The following TWSG1 variants were observed in gnomAD, a reference collection of about 807,000 sequenced individuals.
The protein encoded by TWSG1 is twisted gastrulation protein homolog 1.
A neutral mutation model predicts 23.0 loss-of-function variants in TWSG1; 15 were observed. That is an observed-to-expected ratio of 0.65 (90% CI 0.44 to 1.00). The LOEUF (loss-of-function observed/expected upper bound fraction) is 1.00, where lower values mean the gene tolerates loss of function less well. Ranked by LOEUF, TWSG1 falls within the 50% of genes least tolerant of loss-of-function variation. The probability of loss-of-function intolerance (pLI) is 0.00; values close to 1 mark genes in which losing one functional copy is unlikely to be tolerated. For missense variants in TWSG1, 242 were observed against 278.7 expected (o/e 0.87, Z 0.94); for synonymous variants, 86 against 92.8 (o/e 0.93, Z 0.42).
intron 3 of TWSG1, among the ~76,000 whole-genome samples, chr18:9,395,582 T>A (rs2040730976): frequency 6.6e-6 from 1 of 152,162 alleles, no homozygotes; most frequent in Non-Finnish European, 1.5e-5. Context: ...GTTTATTGAT[T>A]GATTGATTGA....
At chr18:9,335,463 T>G (rs1452492532) in intron 1 of TWSG1, among the ~76,000 whole-genome samples, 1 of 152,248 alleles carries the variant, frequency 6.6e-6, no homozygotes, top group Non-Finnish European at 1.5e-5. Context: ...TGAATACTTT[T>G]TCCAGTGAAA....
intron 3 of TWSG1, among the ~76,000 whole-genome samples, chr18:9,377,509 G>A (rs563273211): frequency 5.3e-5 from 8 of 151,452 alleles, no homozygotes; most frequent in South Asian, 4.2e-4. Context: ...ATGAGCCACC[G>A]CGCCTGGCCT....
At chr18:9,395,053 C>T (rs908869474) in intron 3 of TWSG1, among the ~76,000 whole-genome samples, 1 of 152,122 alleles carries the variant, frequency 6.6e-6, no homozygotes, top group African/African-American at 2.4e-5. Context: ...ACATGTGATG[C>T]GTTTAGTAGT....
At chr18:9,357,990 A>G (rs2040534790) in intron 2 of TWSG1, among the ~76,000 whole-genome samples, 1 of 152,248 alleles carries the variant, frequency 6.6e-6, no homozygotes, top group South Asian at 2.1e-4. Context: ...GAATAAAAAT[A>G]GAAATCATTT....
intron 3 of TWSG1, among the ~76,000 whole-genome samples, chr18:9,372,120 A>G (rs1189062314): frequency 6.7e-6 from 1 of 149,888 alleles, no homozygotes; most frequent in Non-Finnish European, 1.5e-5. Context: ...AATAATAGCA[A>G]CAATGTATTT....
chr18:9,351,210 T>C (rs1011701222), intron 2 of TWSG1, among the ~76,000 whole-genome samples: 2 of 152,042 alleles, frequency 1.3e-5, no homozygotes, highest in Non-Finnish European at 1.5e-5. Flanking sequence ...ATAAATTAAA[T>C]GTTTATTTGC....
At chr18:9,372,401 G>A (rs115999916) in intron 3 of TWSG1, among the ~76,000 whole-genome samples, 11,272 of 149,292 alleles carry the variant, frequency 0.076, 515 homozygotes, top group Admixed American at 0.096. Context: ...GGTAATAAAA[G>A]TTATGTGAAT....
At chr18:9,397,788 C>A (rs4798806) in intron 4 of TWSG1, among the ~76,000 whole-genome samples, 4 of 151,790 alleles carry the variant, frequency 2.6e-5, no homozygotes, top group Admixed American at 6.6e-5. Context: ...GGCACATCAC[C>A]TGAGGTCGGG....
intron 3 of TWSG1, among the ~76,000 whole-genome samples, chr18:9,394,762 ACATG>A (rs770365316): frequency 2.7e-4 from 41 of 152,242 alleles, no homozygotes; most frequent in African/African-American, 9.4e-4. Flanking sequence ...AGACACACAC[ACATG>A]CATGCATGCA....
intron 1 of TWSG1, among the ~76,000 whole-genome samples, 152 bp downstream of exon 1, chr18:9,335,072 T>C (rs2040415058): frequency 6.6e-6 from 1 of 150,856 alleles, no homozygotes; most frequent in African/African-American, 2.4e-5. Context: ...GAGGACAAAG[T>C]GGGGGTGCTG....
chr18:9,354,792 G>A (rs2040517355), intron 2 of TWSG1, among the ~76,000 whole-genome samples: 1 of 152,000 alleles, frequency 6.6e-6, no homozygotes, highest in Admixed American at 6.5e-5. Flanking sequence ...CAAAGGGGGA[G>A]GAATTTAGGG....
At chr18:9,340,652 C>T (rs568791017) in intron 2 of TWSG1, among the ~76,000 whole-genome samples, 5 of 152,234 alleles carry the variant, frequency 3.3e-5, no homozygotes, top group South Asian at 2.1e-4. Flanking sequence ...CAGGGCTCTG[C>T]GGAAGAGTTC....
intron 3 of TWSG1, among the ~76,000 whole-genome samples, chr18:9,389,202 C>T (rs924831626): frequency 1.3e-5 from 2 of 151,846 alleles, no homozygotes; most frequent in African/African-American, 2.4e-5. Flanking sequence ...TCTCGAACTC[C>T]TGACCTCAGG....
chr18:9,366,350 G>A (rs1172301873), intron 3 of TWSG1, among the ~76,000 whole-genome samples: 2 of 152,162 alleles, frequency 1.3e-5, no homozygotes, highest in Non-Finnish European at 2.9e-5. Context: ...AGCCGGAAAA[G>A]GTGGGTGGTG....
chr18:9,394,239 C>T (rs2040724830), intron 3 of TWSG1, among the ~76,000 whole-genome samples: 1 of 152,212 alleles, frequency 6.6e-6, no homozygotes, highest in Non-Finnish European at 1.5e-5. Flanking sequence ...GCATGAAATT[C>T]TGTCATTTAT....
At position 9,396,365 on chromosome 18, in the gene TWSG1, C is replaced by G. The variant is rs35075982; in HGVS notation, c.309C>G (p.Leu103=). 1.5e-4 allele frequency: 250 copies of G among 1,614,072 alleles called. No homozygotes were observed. The highest frequency in any genetic ancestry group is 2.1e-4 in the Non-Finnish European group (243 of 1,180,030). Residue 103 remains leucine, a synonymous_variant, in exon 4 of 5, where the codon CTC becomes CTG. Transcript: ENST00000262120. ...AGCTGCATGAACCGATCCCTTCTCT[C>G]TTCCGGGCACTCACAGAAGGAGATA... ...VEELHEPIPS[L]FRALTEGDTQ... is the part of the protein sequence containing the mutation.
At chr18:9,383,147 A>T (rs1415080820) in intron 3 of TWSG1, among the ~76,000 whole-genome samples, 1 of 150,158 alleles carries the variant, frequency 6.7e-6, no homozygotes, top group Non-Finnish European at 1.5e-5. Context: ...ATGGAAACTC[A>T]TTGGAGAGTG....
intron 2 of TWSG1, 117 bp downstream of exon 2, chr18:9,337,469 G>C (rs2040428323): frequency 9.1e-7 from 1 of 1,093,148 alleles, no homozygotes; most frequent in Admixed American, 2.3e-5. Flanking sequence ...TATTGGGTCA[G>C]GGCCTGAGGT....
chr18:9,350,113 C>G (rs907409699), intron 2 of TWSG1, among the ~76,000 whole-genome samples: 1 of 151,822 alleles, frequency 6.6e-6, no homozygotes, highest in Non-Finnish European at 1.5e-5. Flanking sequence ...GCACTCCAGC[C>G]TGGGCAACAG....
Sources: allele counts gnomAD v4.1 joint callset (sites outside exome capture counted in the v4.1 genomes callset), GRCh38; gene constraint gnomAD v4.1.1; transcripts MANE v1.5; gene names NCBI Gene and HGNC (gene_info 2026-07-23, HGNC 2026-07-21).